The following MSH3 variants were observed in gnomAD, a reference collection of about 807,000 sequenced individuals.
MSH3 encodes the protein DNA mismatch repair protein Msh3.
In MSH3, 106 loss-of-function variants were observed where a neutral mutation model predicts 123.3. The ratio of observed to expected loss-of-function variants is 0.86; its 90% confidence interval spans 0.73 to 1.01. The LOEUF (loss-of-function observed/expected upper bound fraction) is 1.01, where lower values mean the gene tolerates loss of function less well. Ranked by LOEUF, MSH3 falls within the 50% of genes least tolerant of loss-of-function variation. The probability of loss-of-function intolerance (pLI) is 0.00; values close to 1 mark genes in which losing one functional copy is unlikely to be tolerated. For missense variants in MSH3, 1,459 were observed against 1,347.6 expected, an observed-to-expected ratio of 1.08 and a Z score of -1.29; for synonymous variants, 515 against 481.4, an observed-to-expected ratio of 1.07 and a Z score of -0.91.
At chr5:80,754,405 A>G (rs762672053) in intron 12 of MSH3, among the ~76,000 whole-genome samples, 1 of 152,042 alleles carries the variant, frequency 6.6e-6, no homozygotes. Context: ...TAAATTTTGT[A>G]TTATTCAGTC....
At position 80,724,600 on chromosome 5, in the gene MSH3, G is replaced by T. The variant is rs1743224348; in HGVS notation, c.1341-853G>T. On this transcript the variant is annotated intron_variant, in intron 8 of 23. Transcript: ENST00000265081. ...GCTATGATTTTGTTTATGTACTTAG[G>T]CAAATTTTTATACATATTTTTAGGA... Among the ~76,000 whole-genome samples, 4 of 152,206 alleles carry T rather than the reference G, an allele frequency of 2.6e-5. No homozygotes were observed. The South Asian group carries it at 8.3e-4, about 32-fold the overall frequency.
At chr5:80,858,471 G>A (rs919368726) in intron 21 of MSH3, among the ~76,000 whole-genome samples, 7 of 152,076 alleles carry the variant, frequency 4.6e-5, no homozygotes, top group African/African-American at 1.7e-4. Flanking sequence ...TGACCCATAT[G>A]TTTTTTAAGA....
At chr5:80,713,445 G>A (rs1750895874) in intron 8 of MSH3, among the ~76,000 whole-genome samples, 1 of 152,064 alleles carries the variant, frequency 6.6e-6, no homozygotes, top group Non-Finnish European at 1.5e-5. Flanking sequence ...CTGAGAGACC[G>A]AGATGACTGT....
chr5:80,804,495 C>T (rs1744848717), intron 19 of MSH3, among the ~76,000 whole-genome samples: 1 of 152,252 alleles, frequency 6.6e-6, no homozygotes, highest in Non-Finnish European at 1.5e-5. Context: ...TTAGGGGGCA[C>T]CCCAAGTCCA....
chr5:80,777,383 G>A (rs190057758), intron 16 of MSH3, among the ~76,000 whole-genome samples: 5 of 150,926 alleles, frequency 3.3e-5, no homozygotes, highest in Non-Finnish European at 7.4e-5. Flanking sequence ...TCCTTTATCT[G>A]TTTTTGTCCT....
intron 17 of MSH3, among the ~76,000 whole-genome samples, chr5:80,783,032 A>C (rs1274191613): frequency 6.6e-6 from 1 of 152,162 alleles, no homozygotes; most frequent in African/African-American, 2.4e-5. Context: ...CTCAATTGCA[A>C]ATTATTTAAA....
At chr5:80,852,312 C>A (rs1016244861) in intron 20 of MSH3, among the ~76,000 whole-genome samples, 27 of 152,130 alleles carry the variant, frequency 1.8e-4, no homozygotes, top group Admixed American at 1.4e-3. Context: ...GGTGACAGAT[C>A]AAGAGCCTGT....
chr5:80,703,963 T>C (rs1750665254), intron 8 of MSH3, among the ~76,000 whole-genome samples: 1 of 152,144 alleles, frequency 6.6e-6, no homozygotes, highest in Non-Finnish European at 1.5e-5. Context: ...GGGCGTGTTC[T>C]GTGGTGCCCA....
chr5:80,808,865 A>ATATATATATCTATATATATATCTATATC (rs1441994386), intron 19 of MSH3, among the ~76,000 whole-genome samples: 3 of 122,140 alleles, frequency 2.5e-5, no homozygotes, highest in African/African-American at 6.6e-5. Flanking sequence ...CTTCATATAT[A>ATATATATATCTATATATATATCTATATC]TATATATATA....
At chr5:80,805,172 G>A (rs1744865310) in intron 19 of MSH3, among the ~76,000 whole-genome samples, 1 of 152,220 alleles carries the variant, frequency 6.6e-6, no homozygotes, top group Non-Finnish European at 1.5e-5. Flanking sequence ...AAAGCACTGA[G>A]TGTGTTGGTA....
chr5:80,667,624 T>C (rs1749600749), intron 3 of MSH3, among the ~76,000 whole-genome samples: 1 of 152,196 alleles, frequency 6.6e-6, no homozygotes, highest in Non-Finnish European at 1.5e-5. Context: ...CTGGCCCCTG[T>C]GCACTGCCAG....
intron 19 of MSH3, among the ~76,000 whole-genome samples, chr5:80,797,167 G>A (rs146351752): frequency 9.9e-4 from 150 of 151,022 alleles, no homozygotes; most frequent in Middle Eastern, 3.4e-3. Flanking sequence ...CCTTTGCCCA[G>A]CTGGGATGGG....
chr5:80,857,593 T>C (rs1745940396), intron 21 of MSH3, among the ~76,000 whole-genome samples: 1 of 152,224 alleles, frequency 6.6e-6, no homozygotes, highest in Admixed American at 6.5e-5. Context: ...TCTGTTTTTT[T>C]TCTTGTGTGA....
chr5:80,666,791 C>T (rs1356782545), intron 3 of MSH3, among the ~76,000 whole-genome samples: 1 of 152,196 alleles, frequency 6.6e-6, no homozygotes, highest in African/African-American at 2.4e-5. Flanking sequence ...ACTGAGTGAA[C>T]ATAAATGCCC....
At chr5:80,774,181 G>C (rs1227135754) in intron 15 of MSH3, among the ~76,000 whole-genome samples, 1 of 152,152 alleles carries the variant, frequency 6.6e-6, no homozygotes, top group Non-Finnish European at 1.5e-5. Context: ...GCTGATTTCA[G>C]AGAACCTTAT....
chr5:80,719,536 G>T (rs1751037454), intron 8 of MSH3, among the ~76,000 whole-genome samples: 1 of 152,148 alleles, frequency 6.6e-6, no homozygotes. Flanking sequence ...TGGTTCTTAT[G>T]TAAGTACTCT....
intron 8 of MSH3, among the ~76,000 whole-genome samples, chr5:80,681,541 G>C (rs1178485736): frequency 1.3e-5 from 2 of 151,726 alleles, no homozygotes; most frequent in African/African-American, 4.8e-5. Flanking sequence ...TATAGAAATG[G>C]AATGGATAAA....
At chr5:80,676,964 T>G (rs923090441) in intron 7 of MSH3, among the ~76,000 whole-genome samples, 1 of 152,198 alleles carries the variant, frequency 6.6e-6, no homozygotes, top group Non-Finnish European at 1.5e-5. Context: ...AGCATTTTCT[T>G]TGGGGCTGTC....
At chr5:80,735,939 A>G (rs1369016587) in intron 10 of MSH3, among the ~76,000 whole-genome samples, 1 of 152,152 alleles carries the variant, frequency 6.6e-6, no homozygotes, top group East Asian at 1.9e-4. Context: ...AAAAATGACA[A>G]TCTGGCTGGG....
Sources: allele counts gnomAD v4.1 joint callset (sites outside exome capture counted in the v4.1 genomes callset), GRCh38; gene constraint gnomAD v4.1.1; transcripts MANE v1.5; gene names NCBI Gene and HGNC (gene_info 2026-07-23, HGNC 2026-07-21).